Variants in LUZP2 observed in about 807,000 individuals in gnomAD.
LUZP2 encodes leucine zipper protein 2.
A neutral mutation model predicts 51.6 loss-of-function variants in LUZP2; 52 were observed. The ratio of observed to expected loss-of-function variants is 1.01; its 90% CI spans 0.81 to 1.27. The LOEUF is 1.27. LUZP2 is among the 50% of genes most tolerant of loss of function. The probability of loss-of-function intolerance (pLI) is 0.00; values close to 1 mark genes in which losing one functional copy is unlikely to be tolerated. For missense variants in LUZP2, 436 were observed against 395.4 expected (o/e 1.10, Z -0.87); for synonymous variants, 154 against 137.3 (o/e 1.12, Z -0.85).
In LUZP2 at chr11:24,928,304, G is replaced by C. The variant is rs34730248; in HGVS notation, c.522+13766G>C. Among the ~76,000 whole-genome samples the C allele has an allele frequency of 6.4e-3, 970 of 152,092 alleles. 18 individuals are homozygous for C. The highest frequency in any genetic ancestry group is 0.061 in the East Asian group (314 of 5,172). ...AGAAATGGGGAAAGTAGACACCCTC[G>C]TTTTGTTCCAGTTCTCAGGAGGAAT... On this transcript the variant is annotated intron_variant, in intron 7 of 11. Coordinates refer to ENST00000336930, the MANE Select transcript of LUZP2 (RefSeq NM_001009909.4).
At chr11:24,769,948 AC>A (rs1438428048) in intron 5 of LUZP2, among the ~76,000 whole-genome samples, 8 of 151,908 alleles carry the variant, frequency 5.3e-5, no homozygotes, top group Admixed American at 3.3e-4. Context: ...ATGCACCAGC[AC>A]CCCCGGCTAA....
intron 1 of LUZP2, among the ~76,000 whole-genome samples, chr11:24,512,511 G>C (rs1340736729): frequency 6.6e-6 from 1 of 152,102 alleles, no homozygotes; most frequent in Non-Finnish European, 1.5e-5. Context: ...TCATAATCAT[G>C]AAGTTACCTA....
intron 7 of LUZP2, among the ~76,000 whole-genome samples, chr11:24,958,655 C>T (rs1393581966): frequency 6.6e-6 from 1 of 151,790 alleles, no homozygotes; most frequent in Non-Finnish European, 1.5e-5. Context: ...GGATATTAGC[C>T]CTTTGTCAGA....
intron 5 of LUZP2, among the ~76,000 whole-genome samples, chr11:24,865,268 T>C (rs1391924400): frequency 6.6e-6 from 1 of 152,242 alleles, no homozygotes; most frequent in East Asian, 1.9e-4. Context: ...TCGTAGCATT[T>C]GGAAAGTGCT....
intron 1 of LUZP2, among the ~76,000 whole-genome samples, chr11:24,574,133 C>G (rs1010121135): frequency 6.7e-6 from 1 of 148,884 alleles, no homozygotes; most frequent in Non-Finnish European, 1.5e-5. Flanking sequence ...CCTTTCCTTT[C>G]TCTTTCTTTC....
intron 7 of LUZP2, among the ~76,000 whole-genome samples, chr11:24,968,954 G>C (rs958709634): frequency 2.0e-5 from 3 of 152,186 alleles, no homozygotes; most frequent in African/African-American, 7.2e-5. Context: ...GTCCAATATT[G>C]ATTACCCTGT....
intron 6 of LUZP2, 128 bp downstream of exon 6, chr11:24,906,181 A>T (rs935670392): frequency 2.0e-6 from 1 of 506,510 alleles, no homozygotes; most frequent in Non-Finnish European, 3.4e-6. Context: ...TAAATAGAAA[A>T]ATATAATATA....
intron 9 of LUZP2, among the ~76,000 whole-genome samples, chr11:25,004,129 C>T (rs1318733659): frequency 6.6e-6 from 1 of 152,154 alleles, no homozygotes; most frequent in African/African-American, 2.4e-5. Flanking sequence ...GGCGCTTGAC[C>T]TGGGCACCCT....
chr11:24,824,392 A>AAAAAAAAAAAAAAAAAAAAAAAAAAAAC (rs1289196555), intron 5 of LUZP2, among the ~76,000 whole-genome samples: 1 of 149,062 alleles, frequency 6.7e-6, no homozygotes, highest in Non-Finnish European at 1.5e-5. Flanking sequence ...AAAAAAAAAA[A>AAAAAAAAAAAAAAAAAAAAAAAAAAAAC]ATGAGTGGTA....
intron 4 of LUZP2, among the ~76,000 whole-genome samples, chr11:24,748,514 C>T (rs1590444422): frequency 6.6e-6 from 1 of 151,058 alleles, no homozygotes; most frequent in East Asian, 2.0e-4. Context: ...GGCTGGAGTG[C>T]AGTGGCACGA....
intron 1 of LUZP2, among the ~76,000 whole-genome samples, chr11:24,714,341 C>T (rs1438646340): frequency 6.6e-6 from 1 of 151,948 alleles, no homozygotes; most frequent in Non-Finnish European, 1.5e-5. Flanking sequence ...AGAAAATATG[C>T]TTTTCTTTCT....
At chr11:25,058,809 T>C (rs1012181377) in intron 10 of LUZP2, among the ~76,000 whole-genome samples, 4 of 152,212 alleles carry the variant, frequency 2.6e-5, no homozygotes, top group Non-Finnish European at 4.4e-5. Context: ...GATTTAATGT[T>C]ACATTCTCAA....
At chr11:24,851,814 A>C (rs916465954) in intron 5 of LUZP2, among the ~76,000 whole-genome samples, 8 of 152,136 alleles carry the variant, frequency 5.3e-5, no homozygotes, top group African/African-American at 1.7e-4. Context: ...TGGTCTATTC[A>C]GGGATTTGAC....
At chr11:24,593,120 C>T (rs1853315128) in intron 1 of LUZP2, among the ~76,000 whole-genome samples, 1 of 152,186 alleles carries the variant, frequency 6.6e-6, no homozygotes, top group African/African-American at 2.4e-5. Flanking sequence ...TGCTACTACT[C>T]TCAAAAGCTT....
At chr11:24,850,047 C>G (rs1346914372) in intron 5 of LUZP2, among the ~76,000 whole-genome samples, 12 of 152,132 alleles carry the variant, frequency 7.9e-5, no homozygotes, top group African/African-American at 2.9e-4. Flanking sequence ...GGATAGATTG[C>G]AAAATTTTCC....
chr11:24,514,417 C>T (rs563265260), intron 1 of LUZP2, among the ~76,000 whole-genome samples: 106 of 152,300 alleles, frequency 7.0e-4, no homozygotes, highest in African/African-American at 2.4e-3. Context: ...GTATCCACAT[C>T]TCAGAGCAGC....
At chr11:24,751,737 C>G (rs1270535865) in intron 4 of LUZP2, among the ~76,000 whole-genome samples, 1 of 149,906 alleles carries the variant, frequency 6.7e-6, no homozygotes, top group Non-Finnish European at 1.5e-5. Flanking sequence ...CAGATAAGGG[C>G]TAAAATGACA....
intron 5 of LUZP2, among the ~76,000 whole-genome samples, chr11:24,817,417 G>A (rs1035638749): frequency 6.6e-6 from 1 of 151,848 alleles, no homozygotes; most frequent in Admixed American, 6.6e-5. Context: ...CTTACATAAA[G>A]GTGTATAACA....
intron 1 of LUZP2, among the ~76,000 whole-genome samples, chr11:24,708,770 GAAT>G (rs1857713793): frequency 6.6e-6 from 1 of 152,174 alleles, no homozygotes; most frequent in Middle Eastern, 3.2e-3. Context: ...AACGCATGAT[GAAT>G]AACAGTGCTC....
Sources: gnomAD v4.1 joint callset for allele counts (sites outside exome capture counted in the v4.1 genomes callset) on GRCh38, gnomAD v4.1.1 for gene constraint, MANE v1.5 for transcripts, NCBI Gene and HGNC (gene_info 2026-07-23, HGNC 2026-07-21) for gene names.